MAPK8: variants seen among roughly 807,000 people sequenced by gnomAD.
The protein encoded by MAPK8 is mitogen-activated protein kinase 8, also known as JUN N-terminal kinase.
In MAPK8, 13 loss-of-function variants were observed where a neutral mutation model predicts 52.9. The observed-to-expected ratio is 0.25, with a 90% CI of 0.16 to 0.39. The LOEUF (loss-of-function observed/expected upper bound fraction) is 0.39, where lower values mean the gene tolerates loss of function less well. Among genes scored for constraint, MAPK8 ranks in the 10% least tolerant of loss-of-function variants. MAPK8 has a pLI of 1.00. For synonymous variants in MAPK8, 191 were observed against 169.8 expected, an observed-to-expected ratio of 1.12 and a Z score of -0.97; for missense variants, 300 against 519.2, an observed-to-expected ratio of 0.58 and a Z score of 4.10.
intron 10 of MAPK8, among the ~76,000 whole-genome samples, chr10:48,429,093 A>T (rs1177606993): frequency 1.3e-5 from 2 of 151,190 alleles, no homozygotes; most frequent in African/African-American, 4.9e-5. Context: ...AAGTGCTGGG[A>T]TTATAAGTCT....
chr10:48,398,976 A>C (rs1195912562), intron 1 of MAPK8, among the ~76,000 whole-genome samples: 1 of 152,104 alleles, frequency 6.6e-6, no homozygotes, highest in African/African-American at 2.4e-5. Context: ...CAAATTGTAC[A>C]GTTGGTACAA....
chr10:48,418,300 C>A lies in MAPK8; in HGVS notation c.451-1855C>A, dbSNP rs192567488. Among the ~76,000 whole-genome samples the A allele has an allele frequency of 1.1e-4, 16 of 152,304 alleles. No homozygotes were observed. In the East Asian group the frequency reaches 1.9e-3, roughly 18 times the overall value. ...TCTTATGTTTTTATAATAATTAACA[C>A]CCCACCTCTGACACCAGTTTCAGTG... On this transcript the variant is annotated intron_variant, in intron 5 of 11. Coordinates refer to ENST00000374189, the MANE Select transcript of MAPK8 (RefSeq NM_001323329.2).
At position 48,354,040 on chromosome 10, in the gene MAPK8, A is replaced by T. The variant is rs1012853409; in HGVS notation, c.-50+47219A>T. Among the ~76,000 whole-genome samples the T allele has an allele frequency of 4.6e-5, 7 of 152,188 alleles. No homozygotes were observed. The South Asian group carries it at 1.4e-3, about 32-fold the overall frequency. On this transcript the variant is annotated intron_variant, in intron 1 of 11. Coordinates refer to ENST00000374189, the MANE Select transcript of MAPK8 (RefSeq NM_001323329.2). ...CACACTGTACTAATGTCAGTTTCCT[A>T]GTTTTGATTTTATATTATAGTAAGA...
intron 1 of MAPK8, among the ~76,000 whole-genome samples, chr10:48,350,846 A>G (rs1846250410): frequency 6.6e-6 from 1 of 152,238 alleles, no homozygotes; most frequent in African/African-American, 2.4e-5. Context: ...TGCAGATGAC[A>G]TGGTTGTATA....
chr10:48,349,838 T>G (rs1349852959), intron 1 of MAPK8, among the ~76,000 whole-genome samples: 3 of 152,150 alleles, frequency 2.0e-5, no homozygotes, highest in Non-Finnish European at 4.4e-5. Context: ...AGGAGCTGGT[T>G]GTTTGAAAAG....
intron 1 of MAPK8, among the ~76,000 whole-genome samples, chr10:48,335,334 C>T (rs1403589315): frequency 1.3e-5 from 2 of 151,820 alleles, no homozygotes; most frequent in Non-Finnish European, 2.9e-5. Flanking sequence ...ATTGATATAT[C>T]AACATAAATA....
chr10:48,434,802 A>G (rs2044712872), intron 11 of MAPK8, 82 bp from the exon 12 acceptor site: 1 of 1,259,430 alleles, frequency 7.9e-7, no homozygotes. Context: ...AAAAATTACC[A>G]CTGGAGGCAG....
At chr10:48,326,754 T>C (rs1427193943) in intron 1 of MAPK8, among the ~76,000 whole-genome samples, 2 of 152,168 alleles carry the variant, frequency 1.3e-5, no homozygotes, top group East Asian at 3.8e-4. Flanking sequence ...CTCTAATCTA[T>C]TACCATACGG....
In MAPK8 at chr10:48,357,392, C is replaced by G. The variant is rs1439337952; in HGVS notation, c.-49-44220C>G. The stretch of plus-strand genomic sequence containing the variant: ...TGATAAGTGAACATACCAGAGAGTT[C>G]ATCATTTTTGTTTGTGTTTTGAGAC... On this transcript the variant is annotated intron_variant, in intron 1 of 11. Coordinates refer to ENST00000374189, the MANE Select transcript of MAPK8 (RefSeq NM_001323329.2). Among the ~76,000 whole-genome samples, 3 of 152,036 alleles carry G rather than the reference C, an allele frequency of 2.0e-5. No individual in the cohort carries two copies. In the East Asian group the frequency reaches 5.8e-4, roughly 29 times the overall value.
At chr10:48,419,197 TTAACATTACA>T (rs2043217231) in intron 5 of MAPK8, among the ~76,000 whole-genome samples, 1 of 152,236 alleles carries the variant, frequency 6.6e-6, no homozygotes, top group South Asian at 2.1e-4. Context: ...TTTCTGTATG[TTAACATTACA>T]AAAGTAATAC....
intron 1 of MAPK8, among the ~76,000 whole-genome samples, chr10:48,330,261 G>A (rs1007809202): frequency 1.3e-5 from 2 of 152,126 alleles, no homozygotes; most frequent in Non-Finnish European, 2.9e-5. Flanking sequence ...TTTTGTATAA[G>A]TATGCTAAGA....
chr10:48,334,221 T>A (rs947309408), intron 1 of MAPK8, among the ~76,000 whole-genome samples: 1 of 152,150 alleles, frequency 6.6e-6, no homozygotes, highest in East Asian at 1.9e-4. Flanking sequence ...TCTCTTTGGC[T>A]CCCTCTTTCC....
chr10:48,347,192 A>AT (rs960280015), intron 1 of MAPK8, among the ~76,000 whole-genome samples: 2 of 152,048 alleles, frequency 1.3e-5, no homozygotes, highest in Admixed American at 6.6e-5. Flanking sequence ...CCCACTAGGC[A>AT]TTTTTTCCAC....
At chr10:48,311,008 T>TCTAA (rs10627900) in intron 1 of MAPK8, among the ~76,000 whole-genome samples, 122,686 of 151,546 alleles carry the variant, frequency 0.81, 49,880 homozygotes, top group Middle Eastern at 0.9. Flanking sequence ...CGTGCTCCAA[T>TCTAA]CTAACTGTGG....
Position 48,325,719 on chromosome 10 carries a change from TTTTTG to T in MAPK8, c.-50+18908_-50+18912del, listed in dbSNP as rs574286116. On this transcript the variant is annotated intron_variant, in intron 1 of 11. Coordinates refer to ENST00000374189, the MANE Select transcript of MAPK8 (RefSeq NM_001323329.2). ...AGCTTTTCTTAGTTTTTAGCTAGTG[TTTTTG>T]TTTTGTTTTTTCAAGATCCCATCTG... is the stretch of plus-strand genomic sequence containing the variant. Among the ~76,000 whole-genome samples, 28 of 152,294 alleles carry T rather than the reference TTTTTG, an allele frequency of 1.8e-4. No individual in the cohort carries two copies. The East Asian group carries it at 5.2e-3, about 28-fold the overall frequency.
chr10:48,377,421 C>T (rs1245516208), intron 1 of MAPK8, among the ~76,000 whole-genome samples: 1 of 152,068 alleles, frequency 6.6e-6, no homozygotes, highest in Non-Finnish European at 1.5e-5. Flanking sequence ...TCCAGATATC[C>T]ACTCCCTCAC....
chr10:48,423,227 T>C (rs1054488497), intron 6 of MAPK8, among the ~76,000 whole-genome samples: 1 of 152,204 alleles, frequency 6.6e-6, no homozygotes, highest in Middle Eastern at 3.2e-3. Context: ...TCAACATTGA[T>C]TGGGATTCCC....
At chr10:48,410,992 G>C (rs1045297330) in intron 5 of MAPK8, among the ~76,000 whole-genome samples, 2 of 152,046 alleles carry the variant, frequency 1.3e-5, no homozygotes, top group African/African-American at 4.8e-5. Flanking sequence ...TTTTGTTGTT[G>C]TTTTAGCATT....
At chr10:48,418,279 A>G (rs2043169956) in intron 5 of MAPK8, among the ~76,000 whole-genome samples, 1 of 152,168 alleles carries the variant, frequency 6.6e-6, no homozygotes, top group Non-Finnish European at 1.5e-5. Flanking sequence ...CCAGGATCTT[A>G]TGTTTTTATA....
Sources: gnomAD v4.1 joint callset for allele counts (sites outside exome capture counted in the v4.1 genomes callset) on GRCh38, gnomAD v4.1.1 for gene constraint, MANE v1.5 for transcripts, NCBI Gene and HGNC (gene_info 2026-07-23, HGNC 2026-07-21) for gene names.